The following TENM2 variants were observed in gnomAD, a reference collection of about 807,000 sequenced individuals.
TENM2 encodes the protein teneurin-2.
In TENM2, 52 loss-of-function variants were observed where a neutral mutation model predicts 245.2. That is an observed-to-expected ratio of 0.21 (90% confidence interval 0.17 to 0.27). TENM2 has a LOEUF of 0.27. Ranked by LOEUF, TENM2 falls within the 10% of genes least tolerant of loss-of-function variation. The pLI is 1.00. For synonymous variants in TENM2, 1,363 were observed against 1,438.9 expected (o/e 0.95, Z 1.19); for missense variants, 3,046 against 3,666.8 (o/e 0.83, Z 4.37).
chr5:168,105,982 C>T (rs571023011), intron 9 of TENM2, among the ~76,000 whole-genome samples: 7 of 152,232 alleles, frequency 4.6e-5, no homozygotes, highest in East Asian at 1.9e-4. Context: ...TTCAGAAGAG[C>T]GCTGAGGTGT....
chr5:167,871,172 G>A (rs1329027854), intron 2 of TENM2, among the ~76,000 whole-genome samples: 1 of 152,184 alleles, frequency 6.6e-6, no homozygotes, highest in Non-Finnish European at 1.5e-5. Flanking sequence ...CACAGATGGT[G>A]TAGGATAAGG....
At chr5:167,342,183 C>T (rs1208951987) in intron 1 of TENM2, among the ~76,000 whole-genome samples, 1 of 152,102 alleles carries the variant, frequency 6.6e-6, no homozygotes, top group Admixed American at 6.5e-5. Context: ...CTTTTCTGTT[C>T]CAGGACCCCA....
At chr5:167,457,083 C>T (rs1561971868) in intron 2 of TENM2, among the ~76,000 whole-genome samples, 1 of 152,230 alleles carries the variant, frequency 6.6e-6, no homozygotes, top group South Asian at 2.1e-4. Flanking sequence ...CTTCTTTCCT[C>T]CTTAGCCTCA....
chr5:168,230,068 C>T (rs1351607715), intron 25 of TENM2, among the ~76,000 whole-genome samples: 1 of 152,190 alleles, frequency 6.6e-6, no homozygotes, highest in African/African-American at 2.4e-5. Flanking sequence ...ATAATCCCAA[C>T]TCCAAATATT....
chr5:167,457,204 A>G (rs1765975926), intron 2 of TENM2, among the ~76,000 whole-genome samples: 1 of 152,224 alleles, frequency 6.6e-6, no homozygotes, highest in Non-Finnish European at 1.5e-5. Context: ...TTTAGTTAGT[A>G]GACCAATCAT....
chr5:167,589,357 A>G (rs1775724961), intron 2 of TENM2, among the ~76,000 whole-genome samples: 1 of 152,188 alleles, frequency 6.6e-6, no homozygotes, highest in Non-Finnish European at 1.5e-5. Flanking sequence ...ATATTATCAA[A>G]CTAGTAGTAA....
At chr5:167,410,811 TTTTTAA>T (rs1762870356) in intron 2 of TENM2, among the ~76,000 whole-genome samples, 1 of 152,058 alleles carries the variant, frequency 6.6e-6, no homozygotes, top group Non-Finnish European at 1.5e-5. Context: ...GTTCATATAC[TTTTTAA>T]TTTTATGTAT....
chr5:167,456,052 T>A (rs978008992), intron 2 of TENM2, among the ~76,000 whole-genome samples: 8 of 152,194 alleles, frequency 5.3e-5, no homozygotes, highest in Non-Finnish European at 1.2e-4. Context: ...GGGACTATCA[T>A]GCTCTAAATT....
intron 2 of TENM2, among the ~76,000 whole-genome samples, chr5:167,705,965 T>TTATATATATA (rs368174120): frequency 4.2e-5 from 5 of 119,896 alleles, no homozygotes; most frequent in South Asian, 2.5e-4. Flanking sequence ...CAAGGCTGGG[T>TTATATATATA]TATATATATA....
At chr5:167,461,953 G>C (rs1015462678) in intron 2 of TENM2, among the ~76,000 whole-genome samples, 1 of 152,152 alleles carries the variant, frequency 6.6e-6, no homozygotes, top group Non-Finnish European at 1.5e-5. Context: ...TTAATGGTTT[G>C]TGAGAAACAT....
the TENM2 span, among the ~76,000 whole-genome samples, chr5:167,219,393 A>G: frequency 1.4e-4 from 22 of 152,180 alleles, 2 homozygotes; most frequent in Admixed American, 1.4e-3. Flanking sequence ...AACAGATACT[A>G]CAAATCTTGA....
At chr5:168,100,589 A>G (rs896651558) in intron 9 of TENM2, among the ~76,000 whole-genome samples, 3 of 152,292 alleles carry the variant, frequency 2.0e-5, no homozygotes, top group African/African-American at 7.2e-5. Flanking sequence ...TTGCAGGGAC[A>G]TGGATGAAGC....
At chr5:167,789,572 A>ATT (rs1764811477) in intron 2 of TENM2, among the ~76,000 whole-genome samples, 1 of 152,326 alleles carries the variant, frequency 6.6e-6, no homozygotes, top group South Asian at 2.1e-4. Context: ...TCCTGTGCTT[A>ATT]ATGATTATTA....
chr5:168,143,667 C>CTTTA (rs2152406418), intron 12 of TENM2, among the ~76,000 whole-genome samples: 1 of 152,140 alleles, frequency 6.6e-6, no homozygotes, highest in Admixed American at 6.5e-5. Context: ...GAATCACAGC[C>CTTTA]TAAAGCACAA....
At chr5:167,727,532 G>A (rs371382003) in intron 2 of TENM2, among the ~76,000 whole-genome samples, 2 of 152,226 alleles carry the variant, frequency 1.3e-5, no homozygotes, top group African/African-American at 4.8e-5. Context: ...CTGAGGTAGA[G>A]AAATGGAGAA....
chr5:167,533,195 A>G (rs1009838399), intron 2 of TENM2, among the ~76,000 whole-genome samples: 2 of 152,184 alleles, frequency 1.3e-5, no homozygotes, highest in Non-Finnish European at 2.9e-5. Flanking sequence ...CTTGGGTAAA[A>G]ATGTTTATGA....
chr5:167,302,694 C>T (rs948369549), intron 1 of TENM2, among the ~76,000 whole-genome samples: 1 of 151,426 alleles, frequency 6.6e-6, no homozygotes, highest in South Asian at 2.1e-4. Flanking sequence ...GTGGTACTTG[C>T]CACTAAGGGT....
intron 2 of TENM2, among the ~76,000 whole-genome samples, chr5:167,556,244 A>G (rs577220995): frequency 6.6e-6 from 1 of 152,232 alleles, no homozygotes; most frequent in East Asian, 1.9e-4. Flanking sequence ...AAGAAATGCA[A>G]AGATTTTCAG....
At chr5:167,211,198 T>C in the TENM2 span, among the ~76,000 whole-genome samples, 1 of 152,250 alleles carries the variant, frequency 6.6e-6, no homozygotes, top group Non-Finnish European at 1.5e-5. Context: ...TCTTAGGCCT[T>C]TCTACAGAAT....
Sources: allele counts gnomAD v4.1 joint callset (sites outside exome capture counted in the v4.1 genomes callset), GRCh38; gene constraint gnomAD v4.1.1; transcripts MANE v1.5; gene names NCBI Gene and HGNC (gene_info 2026-07-23, HGNC 2026-07-21).